The following RPS18 variants were observed in gnomAD, a reference collection of about 807,000 sequenced individuals.
RPS18 encodes ribosomal protein S18.
For missense variants in RPS18, 49 were observed against 200.8 expected (o/e 0.24, Z 4.57); for synonymous variants, 64 against 70.9 (o/e 0.90, Z 0.49).
rs370809531 is a variant in RPS18, at chr6:33,272,732, T to G, written c.102+6T>G. 6.6e-5 allele frequency: 90 copies of G among 1,371,432 alleles called. No homozygotes were observed. Among genetic ancestry groups the G allele is most frequent in the Admixed American group, 8.4e-5 (5 of 59,690 alleles). 85.0% of individuals were successfully genotyped at this position (1,371,432 alleles called of 1,614,324 possible). On this transcript the variant is annotated splice_donor_region_variant and intron_variant, in intron 2 of 5. Transcript: ENST00000439602. ...TTGCCATCACTGCCATTAAGGTAAGTGAAGTAGGGTAAGGAATAGGGAATG... is the reference window on the plus strand; with the variant it reads ...TTGCCATCACTGCCATTAAGGTAAGGGAAGTAGGGTAAGGAATAGGGAATG...
In RPS18 at chr6:33,274,914, T is replaced by C. The variant is rs546624008; in HGVS notation, c.103-883T>C. On this transcript the variant is annotated intron_variant, in intron 2 of 5. Transcript: ENST00000439602. ...CTTTGGTTCATGAGTTCAGATGGCA[T>C]GGGTGCTAGTGCTGGTGTTGATGTG... Among the ~76,000 whole-genome samples the C allele has an allele frequency of 6.2e-4, 95 of 152,334 alleles. 2 individuals carry two copies. The highest frequency in any genetic ancestry group is 2.1e-3 in the African/African-American group (89 of 41,568).
intron 2 of RPS18, 66 bp from the exon 3 acceptor site, chr6:33,275,731 A>G (rs1765584518): frequency 3.8e-6 from 4 of 1,046,522 alleles, no homozygotes; most frequent in Non-Finnish European, 6.0e-6. Context: ...AGCTTTTTGA[A>G]TGAGGCTATA....
rs763032468 is a variant in RPS18, at chr6:33,272,624, C to G, written c.4-4C>G. ...GATTTCTTCCCCCGTACTTTTTCAA[C>G]TAGTCTCTAGTGATCCCTGAAAAGT... On this transcript the variant is annotated splice_polypyrimidine_tract_variant and splice_region_variant and intron_variant, in intron 1 of 5. Transcript: ENST00000439602. 7.6e-7 allele frequency: 1 copy of G among 1,307,344 alleles called. No individual in the cohort carries two copies. Among genetic ancestry groups the G allele is most frequent in the African/African-American group, 1.4e-5 (1 of 69,134 alleles). The allele number at this position is 1,307,344 out of a possible 1,614,324, so 81.0% of individuals were successfully genotyped here.
At chr6:33,273,563 G>A (rs1208860186) in intron 2 of RPS18, among the ~76,000 whole-genome samples, 1 of 152,142 alleles carries the variant, frequency 6.6e-6, no homozygotes, top group Non-Finnish European at 1.5e-5. Flanking sequence ...TTTGTAGAGG[G>A]AAATTCCTTC....
At chr6:33,275,248 A>G (rs575463259) in intron 2 of RPS18, 110 of 156,858 alleles carry the variant, frequency 7.0e-4, no homozygotes, top group African/African-American at 2.5e-3. Context: ...AAAAAAAGAT[A>G]CTGCCTGCTT....
chr6:33,276,143 TA>T, intron 4 of RPS18, 32 bp from the exon 5 acceptor site: 5 of 1,609,878 alleles, frequency 3.1e-6, no homozygotes, highest in Non-Finnish European at 4.3e-6. Context: ...GGTCAGGGGA[TA>T]AAACATCCCT....
Position 33,275,799 on chromosome 6 carries a change from T to C in RPS18, c.105T>C (p.Gly35=). The C allele has an allele frequency of 6.2e-7, 1 of 1,606,330 alleles. No homozygotes were observed. Among genetic ancestry groups the C allele is most frequent in the Non-Finnish European group, 8.5e-7 (1 of 1,174,266 alleles). ...KIAFAITAIK[G]VGRRYAHVVL... is the part of the protein sequence containing the mutation. ...CCGAAACCCCTCACTTCATTCAGGG[T>C]GTGGGCCGAAGATATGCTCATGTGG... Residue 35 remains glycine (G), a splice_region_variant and synonymous_variant, in exon 3 of 6, where the codon GGT becomes GGC. Transcript: ENST00000439602.
At chr6:33,275,706 G>A in intron 2 of RPS18, 91 bp from the exon 3 acceptor site, 1 of 871,256 alleles carries the variant, frequency 1.1e-6, no homozygotes, top group Non-Finnish European at 2.0e-6. Context: ...GATTATTGCA[G>A]ATCCTACCTT....
chr6:33,275,672 G>GGT, intron 2 of RPS18, 125 bp from the exon 3 acceptor site: 1 of 740,988 alleles, frequency 1.3e-6, no homozygotes, highest in Non-Finnish European at 2.4e-6. Context: ...GTGAGGAAAG[G>GGT]GTGACCTAGG....
At chr6:33,273,328 A>G (rs1765384175) in intron 2 of RPS18, among the ~76,000 whole-genome samples, 1 of 152,178 alleles carries the variant, frequency 6.6e-6, no homozygotes. Flanking sequence ...ATTTCACTTG[A>G]GTATTTCTCT....
At position 33,272,672 on chromosome 6, in the gene RPS18, C is replaced by G; in HGVS notation, c.48C>G (p.Leu16=). Residue 16 remains leucine, a synonymous_variant, in exon 2 of 6, where the codon CTC becomes CTG. Transcript: ENST00000439602. ...AGTTCCAGCATATTTTGCGAGTACT[C>G]AACACCAACATCGATGGGCGGCGGA... ...PEKFQHILRV[L]NTNIDGRRKI... is the part of the protein sequence containing the mutation. 6.3e-7 allele frequency: 1 copy of G among 1,596,622 alleles called. No homozygotes were observed. The highest frequency in any genetic ancestry group is 8.6e-7 in the Non-Finnish European group (1 of 1,163,958).
chr6:33,272,883 C>A (rs1009073918), intron 2 of RPS18, among the ~76,000 whole-genome samples, 157 bp downstream of exon 2: 2 of 152,166 alleles, frequency 1.3e-5, no homozygotes, highest in Non-Finnish European at 2.9e-5. Context: ...AGACTGACCC[C>A]TTTAGCATTT....
chr6:33,276,370 C>T (rs1765623886), intron 5 of RPS18, 21 bp from the exon 6 acceptor site: 2 of 1,613,152 alleles, frequency 1.2e-6, no homozygotes, highest in African/African-American at 2.7e-5. Flanking sequence ...TGACCTGTGA[C>T]TCTTCTCTTT....
At chr6:33,272,385 T>C (rs1765262828) in intron 1 of RPS18, 1 of 604,630 alleles carries the variant, frequency 1.7e-6, no homozygotes, top group Non-Finnish European at 2.9e-6. Context: ...CTTTTGGGAA[T>C]GGGCAGGAGA....
In RPS18 at chr6:33,272,138, G is replaced by A. The variant is rs1202076232; in HGVS notation, c.3+16G>A. ...TGCAGCCATGGTAAGACTGGAATCC[G>A]TGCCGTGATCCAGCGGCATCGCAGC... On this transcript the variant is annotated intron_variant, in intron 1 of 5. Transcript: ENST00000439602. 6.4e-7 allele frequency: 1 copy of A among 1,562,360 alleles called. No individual in the cohort carries two copies. The highest frequency in any genetic ancestry group is 8.7e-7 in the Non-Finnish European group (1 of 1,153,282).
At position 33,272,089 on chromosome 6, in the gene RPS18, A is replaced by C; in HGVS notation, c.-31A>C. Reference sequence around the variant, plus strand: ...TCACTTCCGCTCTCTCTTCCACAGGAGGCCTACACGCCGCCGCTTGTGCTG... The same window carrying C: ...TCACTTCCGCTCTCTCTTCCACAGGCGGCCTACACGCCGCCGCTTGTGCTG... On this transcript the variant is annotated 5_prime_UTR_variant, in exon 1 of 6. Transcript: ENST00000439602. The C allele has an allele frequency of 2.6e-6, 4 of 1,564,666 alleles. No individual in the cohort carries two copies. The highest frequency in any genetic ancestry group is 1.7e-6 in the Non-Finnish European group (2 of 1,154,424).
At chr6:33,274,557 A>G (rs925329075) in intron 2 of RPS18, among the ~76,000 whole-genome samples, 2 of 152,260 alleles carry the variant, frequency 1.3e-5, no homozygotes, top group African/African-American at 4.8e-5. Flanking sequence ...ACAAGTTCAT[A>G]TAAACTAAGC....
intron 2 of RPS18, among the ~76,000 whole-genome samples, chr6:33,274,056 G>A (rs1236675891): frequency 1.3e-5 from 2 of 152,142 alleles, no homozygotes; most frequent in African/African-American, 4.8e-5. Flanking sequence ...CTCCCAAGTA[G>A]CTGAGATTAC....
At chr6:33,274,207 T>A (rs1411874321) in intron 2 of RPS18, among the ~76,000 whole-genome samples, 1 of 152,214 alleles carries the variant, frequency 6.6e-6, no homozygotes, top group Non-Finnish European at 1.5e-5. Context: ...CGTGAGCCAC[T>A]GCACCCAGCC....
Sources: gnomAD v4.1 joint callset for allele counts (sites outside exome capture counted in the v4.1 genomes callset) on GRCh38, gnomAD v4.1.1 for gene constraint, MANE v1.5 for transcripts, NCBI Gene and HGNC (gene_info 2026-07-23, HGNC 2026-07-21) for gene names.